The following NEK9 variants were observed in gnomAD, a reference collection of about 807,000 sequenced individuals.
NEK9 encodes the protein serine/threonine-protein kinase Nek9.
NEK9 carries 75 observed loss-of-function variants against 123.4 expected under a neutral mutation model. That is an observed-to-expected ratio of 0.61 (90% CI 0.50 to 0.74). The LOEUF is 0.74. NEK9 is among the 30% of genes least tolerant of loss of function. The probability of loss-of-function intolerance (pLI) is 0.00; values close to 1 mark genes in which losing one functional copy is unlikely to be tolerated. For missense variants in NEK9, 952 were observed against 1,214.4 expected (o/e 0.78, Z 3.21); for synonymous variants, 438 against 458.7 (o/e 0.95, Z 0.58).
chr14:75,122,980 T>C (rs1009511037), intron 2 of NEK9, among the ~76,000 whole-genome samples: 16 of 152,004 alleles, frequency 1.1e-4, no homozygotes, highest in African/African-American at 3.9e-4. Context: ...TTTTTGGTAG[T>C]GACAGGGTTT....
intron 1 of NEK9, among the ~76,000 whole-genome samples, chr14:75,126,393 C>T (rs1445693574): frequency 6.6e-6 from 1 of 151,586 alleles, no homozygotes; most frequent in Non-Finnish European, 1.5e-5. Context: ...GTTTGATTCT[C>T]AAGATAATCT....
rs1382669670 is a variant in NEK9 at position 75,082,666 on chromosome 14, A to G, written c.*1898T>C. 7.6e-6 allele frequency: 2 copies of G among 264,326 alleles called. No individual in the cohort carries two copies. Among genetic ancestry groups the G allele is most frequent in the African/African-American group, 2.2e-5 (1 of 45,696 alleles). 16.4% of individuals were successfully genotyped at this position (264,326 alleles called of 1,614,324 possible). ...ACCCCACCTTCTCAGCAACCTGCCCATGTCCATCAGCTCCATGGCAGAAGC... is the reference window on the plus strand; with the variant it reads ...ACCCCACCTTCTCAGCAACCTGCCCGTGTCCATCAGCTCCATGGCAGAAGC... On this transcript the variant is annotated 3_prime_UTR_variant, in exon 22 of 22. Transcript: ENST00000238616.
At chr14:75,122,503 C>G (rs946188027) in intron 2 of NEK9, among the ~76,000 whole-genome samples, 2 of 152,064 alleles carry the variant, frequency 1.3e-5, no homozygotes, top group African/African-American at 4.8e-5. Flanking sequence ...AAAGTAGGTA[C>G]TGTTATCAAC....
intron 21 of NEK9, chr14:75,085,087 C>T (rs1893979615): frequency 5.8e-6 from 1 of 171,644 alleles, no homozygotes; most frequent in Admixed American, 5.6e-5. Context: ...ATCACTGCAG[C>T]CTTGACCTCC....
rs142859694 is a variant in NEK9 at position 75,097,231 on chromosome 14, C to T, written c.2042G>A (p.Arg681His). Reference protein sequence around the residue: ...IFAWGNGGNGRLAMTPTERPH... With the variant: ...IFAWGNGGNGHLAMTPTERPH... ...TCTCTCTGTGGGGGTCATTGCCAGGCGGCCATTACCACCATTGCCCCAGGC... is the reference window on the plus strand; with the variant it reads ...TCTCTCTGTGGGGGTCATTGCCAGGTGGCCATTACCACCATTGCCCCAGGC... The change falls in exon 17 of 22, where the codon CGC becomes CAC. Residue 681 changes from arginine (R) to histidine (H), a missense_variant. Arg to His is a conservative substitution (Grantham distance 29). Coordinates refer to ENST00000238616, the MANE Select transcript of NEK9 (RefSeq NM_033116.6). 2.2e-5 allele frequency: 35 copies of T among 1,608,730 alleles called. No individual in the cohort carries two copies. The highest frequency in any genetic ancestry group is 2.9e-5 in the Non-Finnish European group (34 of 1,177,154).
At chr14:75,101,814 A>C (rs754867401) in intron 14 of NEK9, 49 bp from the exon 15 acceptor site, 2 of 1,355,270 alleles carry the variant, frequency 1.5e-6, no homozygotes, top group East Asian at 4.6e-5. Flanking sequence ...AGAAAATCGA[A>C]GGAAAATCAG....
intron 12 of NEK9, 76 bp downstream of exon 12, chr14:75,106,422 ATGAT>A: frequency 8.8e-7 from 1 of 1,130,832 alleles, no homozygotes; most frequent in Non-Finnish European, 1.3e-6. Flanking sequence ...TAGGGGCTGC[ATGAT>A]GGGTTTAGAT....
chr14:75,105,477 A>G (rs1310604255), intron 13 of NEK9, among the ~76,000 whole-genome samples: 1 of 152,210 alleles, frequency 6.6e-6, no homozygotes, highest in Non-Finnish European at 1.5e-5. Flanking sequence ...TCACAGGGCC[A>G]GCTCTGGCAA....
chr14:75,122,756 G>A (rs996636418), intron 2 of NEK9, among the ~76,000 whole-genome samples: 1 of 140,260 alleles, frequency 7.1e-6, no homozygotes, highest in African/African-American at 2.7e-5. Context: ...CTCCCAAAGT[G>A]TTGGGATTAC....
chr14:75,092,247 C>T (rs1314197174), intron 18 of NEK9, among the ~76,000 whole-genome samples: 3 of 150,220 alleles, frequency 2.0e-5, no homozygotes, highest in East Asian at 1.9e-4. Flanking sequence ...GCTGGGATTA[C>T]AGGCGTGAGC....
Position 75,126,938 on chromosome 14 carries a change from C to G in NEK9, c.-17G>C. ...CACCGACATGGCGGCGGCCGCGGGC[C>G]TTGGGGACCAGCCTGCGTATGCCCG... On this transcript the variant is annotated 5_prime_UTR_variant, in exon 1 of 22. Coordinates refer to ENST00000238616, the MANE Select transcript of NEK9 (RefSeq NM_033116.6). 1.4e-6 allele frequency: 2 copies of G among 1,449,850 alleles called. No homozygotes were observed. Among genetic ancestry groups the G allele is most frequent in the Non-Finnish European group, 1.8e-6 (2 of 1,094,784 alleles). 89.8% of individuals were successfully genotyped at this position (1,449,850 alleles called of 1,614,324 possible).
rs201640966 is a variant in NEK9 at position 75,115,082 on chromosome 14, CGT to C, written c.763-771_763-770del. Among the ~76,000 whole-genome samples, 957 of 124,332 alleles carry C rather than the reference CGT, an allele frequency of 7.7e-3. 10 individuals are homozygous for C. The highest frequency in any genetic ancestry group is 0.024 in the African/African-American group (871 of 35,802). The allele number at this position is 124,332 out of a possible 152,430, so 81.6% of individuals were successfully genotyped here. ...ACACACGTGTGTGCACATATATACA[CGT>C]GTGTGTACATATATGCACACGTGTG... On this transcript the variant is annotated intron_variant, in intron 6 of 21. Transcript: ENST00000238616.
At position 75,124,059 on chromosome 14, in the gene NEK9, C is replaced by T; in HGVS notation, c.384G>A (p.Leu128=). 1 of 1,611,646 alleles carries T rather than the reference C, an allele frequency of 6.2e-7. No individual in the cohort carries two copies. Among genetic ancestry groups the T allele is most frequent in the Non-Finnish European group, 8.5e-7 (1 of 1,178,074 alleles). Residue 128 remains leucine (L), a synonymous_variant, in exon 2 of 22, where the codon CTG becomes CTA. Transcript: ENST00000238616. Reference sequence around the variant, plus strand: ...ACTCTATCTTACCATTACAATATTCCAGCTCAATCAGCAGCGTGGTATTGT... The same window carrying T: ...ACTCTATCTTACCATTACAATATTCTAGCTCAATCAGCAGCGTGGTATTGT... ...FMDNTTLLIE[L]EYCNGGNLYD...
Position 75,080,935 on chromosome 14 carries a change from C to A in NEK9, c.*3629G>T. On this transcript the variant is annotated 3_prime_UTR_variant, in exon 22 of 22. Transcript: ENST00000238616. Reference sequence around the variant, plus strand: ...GCGTGAGCCACCGCGCCTGTCCTGCCAAGACAGTATTTTTTTTTTTATTTT... The same window carrying A: ...GCGTGAGCCACCGCGCCTGTCCTGCAAAGACAGTATTTTTTTTTTTATTTT... 7.0e-6 allele frequency: 1 copy of A among 142,482 alleles called. No individual in the cohort carries two copies. Among genetic ancestry groups the A allele is most frequent in the Non-Finnish European group, 1.5e-5 (1 of 65,550 alleles). The allele number at this position is 142,482 out of a possible 1,614,324, so 8.8% of individuals were successfully genotyped here.
Position 75,088,486 on chromosome 14 carries a change from T to A in NEK9, c.2598A>T (p.Glu866Asp), listed in dbSNP as rs755472877. The change falls in exon 20 of 22, where the codon GAA becomes GAT. Residue 866 changes from glutamate (E) to aspartate (D), a missense_variant. By Grantham distance (45) the Glu-to-Asp change is conservative. This residue lies in a region of NEK9 where 698 missense variants were observed against 875.6 expected (regional missense o/e 0.80). Transcript: ENST00000238616. Reference sequence around the variant, plus strand: ...AGGCAAAAAGCTCAGTTACCGAGGCTTCTACTTGGGGTTTGTGTTCCAAAG... The same window carrying A: ...AGGCAAAAAGCTCAGTTACCGAGGCATCTACTTGGGGTTTGTGTTCCAAAG... ...EAPLEHKPQV[E>D]ASSPRLNPAV... is the part of the protein sequence containing the mutation. 23 of 1,613,368 alleles carry A rather than the reference T, an allele frequency of 1.4e-5. No individual in the cohort carries two copies. Among genetic ancestry groups the A allele is most frequent in the Non-Finnish European group, 1.9e-5 (22 of 1,179,750 alleles).
At chr14:75,126,498 G>A (rs568349974) in intron 1 of NEK9, among the ~76,000 whole-genome samples, 7 of 152,186 alleles carry the variant, frequency 4.6e-5, no homozygotes, top group African/African-American at 7.2e-5. Context: ...AGGTGACTTA[G>A]GACAATCAAA....
intron 9 of NEK9, 67 bp from the exon 10 acceptor site, chr14:75,109,944 A>C: frequency 6.8e-7 from 1 of 1,465,106 alleles, no homozygotes; most frequent in East Asian, 2.3e-5. Context: ...AAATGCTTCC[A>C]GTCTGTTCCC....
At chr14:75,113,243 G>C (rs1189401725) in intron 8 of NEK9, 96 bp downstream of exon 8, 4 of 961,792 alleles carry the variant, frequency 4.2e-6, no homozygotes, top group East Asian at 2.4e-5. Context: ...TTGCAACCAA[G>C]TCAGGAAACA....
chr14:75,097,332 TC>T, intron 16 of NEK9, 62 bp from the exon 17 acceptor site: 2 of 1,402,086 alleles, frequency 1.4e-6, no homozygotes, highest in Non-Finnish European at 1.9e-6. Context: ...TTCTCCGGGT[TC>T]CCCATCTTTA....
Sources: allele counts gnomAD v4.1 joint callset (sites outside exome capture counted in the v4.1 genomes callset), GRCh38; gene constraint gnomAD v4.1.1; regional missense constraint gnomAD v4.1.1; transcripts MANE v1.5; gene names NCBI Gene and HGNC (gene_info 2026-07-23, HGNC 2026-07-21).